The following KCNMA1 variants were observed in gnomAD, a reference collection of about 807,000 sequenced individuals.
The protein encoded by KCNMA1 is Calcium-activated potassium channel subunit alpha-1.
A neutral mutation model predicts 140.0 loss-of-function variants in KCNMA1; 29 were observed. The ratio of observed to expected loss-of-function variants is 0.21; its 90% CI spans 0.15 to 0.28. The LOEUF (loss-of-function observed/expected upper bound fraction) is 0.28. Among genes scored for constraint, KCNMA1 ranks in the 10% least tolerant of loss-of-function variants. The pLI, the probability that KCNMA1 is intolerant of heterozygous loss-of-function variation, is 1.00. For synonymous variants in KCNMA1, 612 were observed against 611.9 expected (o/e 1.00, Z 0.00); for missense variants, 880 against 1,602.2 (o/e 0.55, Z 7.70).
At position 76,943,458 on chromosome 10, in the gene KCNMA1, T is replaced by G. The variant is rs115420540; in HGVS notation, c.2902+1315A>C. On this transcript the variant is annotated intron_variant, in intron 23 of 27. Coordinates refer to ENST00000286628, the MANE Select transcript of KCNMA1 (RefSeq NM_001161352.2). ...TCTTAAGCTTGACCAGAAGCTGCTG[T>G]GAATCTCAAGATCCTCAGAGAAGCC... Among the ~76,000 whole-genome samples, 1,177 of 152,302 alleles carry G rather than the reference T, an allele frequency of 7.7e-3. 14 individuals are homozygous for G. The highest frequency in any genetic ancestry group is 0.027 in the African/African-American group (1,130 of 41,558).
intron 3 of KCNMA1, among the ~76,000 whole-genome samples, chr10:77,232,888 T>A (rs1272556869): frequency 3.3e-4 from 4 of 12,198 alleles, no homozygotes; most frequent in South Asian, 2.2e-3. Flanking sequence ...CCAGCACCAT[T>A]TTTTTTTTTT....
intron 13 of KCNMA1, among the ~76,000 whole-genome samples, chr10:77,076,201 C>T (rs1046515221): frequency 6.6e-6 from 1 of 152,132 alleles, no homozygotes; most frequent in Non-Finnish European, 1.5e-5. Flanking sequence ...AAGAACTTGC[C>T]TCTATCTGCA....
chr10:77,131,596 T>C (rs1476184953), intron 5 of KCNMA1, among the ~76,000 whole-genome samples: 1 of 152,022 alleles, frequency 6.6e-6, no homozygotes, highest in Non-Finnish European at 1.5e-5. Context: ...GAGAAGGGAC[T>C]AGGGGGTGAC....
chr10:77,323,349 T>A (rs926624455), intron 2 of KCNMA1, among the ~76,000 whole-genome samples: 1 of 152,194 alleles, frequency 6.6e-6, no homozygotes, highest in Non-Finnish European at 1.5e-5. Context: ...TAGTGACAAG[T>A]GGAAGTCCAT....
chr10:77,182,325 T>C lies in KCNMA1; in HGVS notation c.808+1096A>G, dbSNP rs541217623. Among the ~76,000 whole-genome samples the C allele has an allele frequency of 9.5e-4, 145 of 152,318 alleles. 2 individuals carry two copies. The South Asian group carries it at 0.029, about 31-fold the overall frequency. On this transcript the variant is annotated intron_variant, in intron 5 of 27. Coordinates refer to ENST00000286628, the MANE Select transcript of KCNMA1 (RefSeq NM_001161352.2). ...AATATACTGCGATACAAACAAATTA[T>C]GGAATTTTATGCAACTCTTACAAAA...
intron 1 of KCNMA1, among the ~76,000 whole-genome samples, chr10:77,514,324 G>A (rs766697341): frequency 4.6e-5 from 7 of 152,188 alleles, no homozygotes; most frequent in Non-Finnish European, 7.3e-5. Flanking sequence ...AGGGGGAAGC[G>A]AATCACTTTG....
chr10:77,255,427 C>A (rs551530659), intron 2 of KCNMA1, among the ~76,000 whole-genome samples: 1 of 151,910 alleles, frequency 6.6e-6, no homozygotes, highest in Non-Finnish European at 1.5e-5. Context: ...CAGTGAAACC[C>A]TGGCTCTACC....
Position 76,886,778 on chromosome 10 carries a change from G to T in KCNMA1, c.*488C>A, listed in dbSNP as rs2116830. ...AATCAATATGTTTTCATTGCTGTTT[G>T]GTTGCTTGTTTCAAATAAACATGTG... On this transcript the variant is annotated 3_prime_UTR_variant, in exon 28 of 28. Transcript: ENST00000286628. The T allele has an allele frequency of 0.18, 187,171 of 1,025,966 alleles. 18,376 individuals carry two copies. The highest frequency in any genetic ancestry group is 0.2 in the Non-Finnish European group (171,536 of 853,420). 63.6% of individuals were successfully genotyped at this position (1,025,966 alleles called of 1,614,324 possible).
rs566495603 is a variant in KCNMA1, at chr10:77,360,707, A to G, written c.540+43155T>C. Among the ~76,000 whole-genome samples the G allele has an allele frequency of 4.9e-4, 74 of 152,318 alleles. 2 individuals are homozygous for G. Among genetic ancestry groups the G allele is most frequent in the South Asian group, 3.3e-3 (16 of 4,826 alleles). On this transcript the variant is annotated intron_variant, in intron 2 of 27. Coordinates refer to ENST00000286628, the MANE Select transcript of KCNMA1 (RefSeq NM_001161352.2). ...TGTGTTTCTCGGGTCTCCAAAGGGA[A>G]ACTCAGGGGAGAAACTGAGTCAAGC...
chr10:77,298,353 C>A (rs1264292736), intron 2 of KCNMA1, among the ~76,000 whole-genome samples: 2 of 152,122 alleles, frequency 1.3e-5, no homozygotes, highest in African/African-American at 4.8e-5. Flanking sequence ...AGCGATTCTC[C>A]TGCCTCAGCG....
intron 18 of KCNMA1, among the ~76,000 whole-genome samples, chr10:77,004,522 A>G (rs913146496): frequency 1.3e-5 from 2 of 152,174 alleles, no homozygotes; most frequent in Non-Finnish European, 2.9e-5. Context: ...CTTGAAGGAT[A>G]TGAGTACTGG....
At chr10:77,119,220 G>C (rs1185700305) in intron 6 of KCNMA1, among the ~76,000 whole-genome samples, 3 of 152,252 alleles carry the variant, frequency 2.0e-5, no homozygotes, top group Non-Finnish European at 2.9e-5. Flanking sequence ...AGAGAGGTGA[G>C]TGTCCTAGCA....
intron 1 of KCNMA1, among the ~76,000 whole-genome samples, chr10:77,526,391 A>G (rs1211583686): frequency 6.6e-6 from 1 of 152,224 alleles, no homozygotes; most frequent in Non-Finnish European, 1.5e-5. Context: ...CTCAACACTA[A>G]AACTACTGTA....
chr10:77,117,329 AC>A (rs369910310), intron 6 of KCNMA1, among the ~76,000 whole-genome samples: 194 of 152,134 alleles, frequency 1.3e-3, no homozygotes, highest in African/African-American at 4.5e-3. Context: ...TGGGCAGATC[AC>A]CTGAGGTCAA....
At chr10:76,983,512 A>G (rs1395633128) in intron 19 of KCNMA1, among the ~76,000 whole-genome samples, 1 of 152,104 alleles carries the variant, frequency 6.6e-6, no homozygotes, top group Non-Finnish European at 1.5e-5. Context: ...GCAGGTGGAT[A>G]TCTTGAGGTC....
chr10:77,046,083 C>CT (rs1394625089), intron 14 of KCNMA1, among the ~76,000 whole-genome samples: 1 of 152,180 alleles, frequency 6.6e-6, no homozygotes, highest in Non-Finnish European at 1.5e-5. Flanking sequence ...CATATACACA[C>CT]TAACACTGCC....
intron 19 of KCNMA1, among the ~76,000 whole-genome samples, chr10:76,975,570 A>C (rs75417012): frequency 8.8e-4 from 134 of 152,330 alleles, no homozygotes; most frequent in African/African-American, 3.1e-3. Flanking sequence ...CCATGTGTCC[A>C]TCGACGAGGC....
intron 5 of KCNMA1, among the ~76,000 whole-genome samples, chr10:77,154,263 A>G (rs976313185): frequency 2.6e-5 from 4 of 152,120 alleles, no homozygotes; most frequent in Non-Finnish European, 4.4e-5. Context: ...CTGTGAGTCA[A>G]TTCAACCTCT....
chr10:77,395,644 T>G (rs1399704953), intron 2 of KCNMA1, among the ~76,000 whole-genome samples: 1 of 152,210 alleles, frequency 6.6e-6, no homozygotes, highest in Non-Finnish European at 1.5e-5. Context: ...GGATGAGAAA[T>G]GAAGTCTATC....
Sources: gnomAD v4.1 joint callset for allele counts (sites outside exome capture counted in the v4.1 genomes callset) on GRCh38, gnomAD v4.1.1 for gene constraint, MANE v1.5 for transcripts, NCBI Gene and HGNC (gene_info 2026-07-23, HGNC 2026-07-21) for gene names.